Variants in ZNF469 observed in about 807,000 individuals in gnomAD.
ZNF469 encodes zinc finger protein 469.
ZNF469 carries 1 observed loss-of-function variant against 1.0 expected under a neutral mutation model. The observed-to-expected ratio is 1.00, with a 90% CI of 0.35 to 4.73. ZNF469 has a LOEUF of 4.73. ZNF469 is among the 30% of genes most tolerant of loss of function. The probability of loss-of-function intolerance (pLI) is 0.16; values close to 1 mark genes in which losing one functional copy is unlikely to be tolerated. For missense variants in ZNF469, 6,100 were observed against 5,356.3 expected (o/e 1.14, Z -4.33); for synonymous variants, 2,703 against 2,363.4 (o/e 1.14, Z -4.17).
chr16:88,345,304 A>G, the ZNF469 span, among the ~76,000 whole-genome samples: 216 of 152,342 alleles, frequency 1.4e-3, no homozygotes, highest in Middle Eastern at 0.014. Context: ...ACAAGCTGCC[A>G]CCACACACAG....
In ZNF469 at chr16:88,428,832, C is replaced by A; in HGVS notation, c.1362C>A (p.Gly454=). The part of the protein sequence containing the change: ...TAAPYPTPPG[G]PLAATRSMFF... ...CCCCTTACCCCACACCTCCTGGGGG[C>A]CCCCTGGCTGCCACCAGGAGTATGT... Residue 454 remains glycine (G), a synonymous_variant, in exon 3 of 3, where the codon GGC becomes GGA. Coordinates refer to ENST00000565624, the MANE Select transcript of ZNF469 (RefSeq NM_001367624.2). 6.5e-7 allele frequency: 1 copy of A among 1,546,790 alleles called. No individual in the cohort carries two copies. The highest frequency in any genetic ancestry group is 8.7e-7 in the Non-Finnish European group (1 of 1,145,478).
chr16:88,357,811 G>T, the ZNF469 span, among the ~76,000 whole-genome samples: 1 of 152,266 alleles, frequency 6.6e-6, no homozygotes, highest in African/African-American at 2.4e-5. Context: ...CCAAACTGTG[G>T]TTGTTATTAA....
chr16:88,267,390 G>A, the ZNF469 span, among the ~76,000 whole-genome samples: 8 of 152,202 alleles, frequency 5.3e-5, no homozygotes, highest in African/African-American at 7.2e-5. Context: ...TTGTCTGCCC[G>A]GGAGCCCGAC....
At chr16:88,381,695 G>A (rs1294677538), upstream of ZNF469, among the ~76,000 whole-genome samples, 1 of 152,270 alleles carries the variant, frequency 6.6e-6, no homozygotes, top group African/African-American at 2.4e-5. Context: ...TCGAGCCTCT[G>A]GGGCCTTTCA....
chr16:88,369,078 CAA>C, the ZNF469 span, among the ~76,000 whole-genome samples: 6 of 135,546 alleles, frequency 4.4e-5, no homozygotes, highest in Admixed American at 7.4e-5. Flanking sequence ...GATTCTGTCT[CAA>C]AAAAAAAAAA....
chr16:88,379,655 C>T (rs1171819086), upstream of ZNF469, among the ~76,000 whole-genome samples: 1 of 152,184 alleles, frequency 6.6e-6, no homozygotes, highest in African/African-American at 2.4e-5. Flanking sequence ...GCAGCAGCCC[C>T]TGCCCCCCAG....
chr16:88,111,222 G>A, the ZNF469 span, among the ~76,000 whole-genome samples: 2 of 152,198 alleles, frequency 1.3e-5, no homozygotes, highest in Admixed American at 1.3e-4. Flanking sequence ...ACTCCCCGCA[G>A]TGGCCAGTCT....
At chr16:88,374,718 A>AGCTCGGCGCCG in the ZNF469 span, among the ~76,000 whole-genome samples, 2 of 151,526 alleles carry the variant, frequency 1.3e-5, no homozygotes, top group African/African-American at 4.9e-5. Context: ...GCTCAGCACC[A>AGCTCGGCGCCG]TGTGCGGTGG....
the ZNF469 span, among the ~76,000 whole-genome samples, chr16:88,171,385 C>T: frequency 6.6e-6 from 1 of 152,194 alleles, no homozygotes; most frequent in African/African-American, 2.4e-5. Context: ...TCAGAGATTG[C>T]ACCCAGAAGC....
chr16:88,103,847 G>T, the ZNF469 span, among the ~76,000 whole-genome samples: 1 of 148,254 alleles, frequency 6.7e-6, no homozygotes, highest in East Asian at 2.0e-4. Flanking sequence ...ATCCTCCGTG[G>T]CACGGAGGGG....
At chr16:88,119,509 C>T in the ZNF469 span, among the ~76,000 whole-genome samples, 25 of 152,236 alleles carry the variant, frequency 1.6e-4, no homozygotes, top group African/African-American at 5.1e-4. Context: ...CTCAAAGCAA[C>T]CAAATACCAA....
At chr16:88,325,450 G>A in the ZNF469 span, among the ~76,000 whole-genome samples, 3 of 152,252 alleles carry the variant, frequency 2.0e-5, no homozygotes, top group East Asian at 1.9e-4. Context: ...CGGGGCAGCC[G>A]CTGAGTACCC....
rs1372758337 is a variant in ZNF469, at chr16:88,424,018, A to T, written c.-191-789A>T. Among the ~76,000 whole-genome samples, 1 of 152,220 alleles carries T rather than the reference A, an allele frequency of 6.6e-6. No homozygotes were observed. Among genetic ancestry groups the T allele is most frequent in the East Asian group, 1.9e-4 (1 of 5,200 alleles). ...TTTAAAACCATCACGGAGACTGACA[A>T]TTGGACAATCTCCTTCCAAAGTCAA... On this transcript the variant is annotated intron_variant, in intron 1 of 2. Transcript: ENST00000565624. The surrounding 1 kb of genome is among the most constrained non-coding windows in gnomAD (Gnocchi z 4.3).
the ZNF469 span, among the ~76,000 whole-genome samples, chr16:88,207,899 G>C: frequency 2.0e-5 from 3 of 152,078 alleles, no homozygotes; most frequent in Non-Finnish European, 4.4e-5. Flanking sequence ...ATGAAGACGC[G>C]GTCACAGGCT....
the ZNF469 span, among the ~76,000 whole-genome samples, chr16:88,167,053 C>CTTTTTTTTTTTTTTTTTTTTTTTTTTT: frequency 1.2e-5 from 1 of 82,840 alleles, no homozygotes; most frequent in Non-Finnish European, 2.1e-5. Context: ...CAGGCTTATT[C>CTTTTTTTTTTTTTTTTTTTTTTTTTTT]TTTTTTTTTT....
the ZNF469 span, among the ~76,000 whole-genome samples, chr16:88,167,655 G>T: frequency 1.3e-5 from 2 of 152,172 alleles, no homozygotes; most frequent in African/African-American, 4.8e-5. Flanking sequence ...AGCCCCGGGG[G>T]AAGTCCTGAT....
At chr16:88,215,383 A>ACTTTTTTTTTTTTTTTTTTTTTTTTTTTT in the ZNF469 span, among the ~76,000 whole-genome samples, 1 of 94,188 alleles carries the variant, frequency 1.1e-5, no homozygotes, top group Non-Finnish European at 1.9e-5. Flanking sequence ...TTGCCTTTTA[A>ACTTTTTTTTTTTTTTTTTTTTTTTTTTTT]TTTTTTTTTT....
At chr16:88,352,144 C>T in the ZNF469 span, among the ~76,000 whole-genome samples, 1 of 152,116 alleles carries the variant, frequency 6.6e-6, no homozygotes, top group Non-Finnish European at 1.5e-5. Context: ...AGTGACTACC[C>T]AGAGGAACAG....
chr16:88,381,985 G>A (rs904718430), upstream of ZNF469, among the ~76,000 whole-genome samples: 7 of 152,222 alleles, frequency 4.6e-5, no homozygotes, highest in Non-Finnish European at 8.8e-5. Context: ...TAAGTAAAGC[G>A]TGCTTGACCT....
Sources: allele counts gnomAD v4.1 joint callset (sites outside exome capture counted in the v4.1 genomes callset), GRCh38; gene constraint gnomAD v4.1.1; non-coding constraint Gnocchi (gnomAD v3.1); transcripts MANE v1.5; gene names NCBI Gene and HGNC (gene_info 2026-07-23, HGNC 2026-07-21).